RIMBP2: variants seen among roughly 807,000 people sequenced by gnomAD.
RIMBP2 encodes RIMS-binding protein 2.
In RIMBP2, 48 loss-of-function variants were observed where a neutral mutation model predicts 118.6. The ratio of observed to expected loss-of-function variants is 0.40; its 90% CI spans 0.32 to 0.51. The LOEUF (loss-of-function observed/expected upper bound fraction) is 0.51, where lower values mean the gene tolerates loss of function less well. Among genes scored for constraint, RIMBP2 ranks in the 20% least tolerant of loss-of-function variants. The pLI, the probability that RIMBP2 is intolerant of heterozygous loss-of-function variation, is 0.41. For synonymous variants in RIMBP2, 762 were observed against 742.9 expected (o/e 1.03, Z -0.42); for missense variants, 1,551 against 1,768.3 (o/e 0.88, Z 2.20).
chr12:130,574,285 G>A (rs1351067629), intron 2 of RIMBP2, among the ~76,000 whole-genome samples: 2 of 151,974 alleles, frequency 1.3e-5, no homozygotes, highest in Admixed American at 1.3e-4. Flanking sequence ...GGCGGTGGGC[G>A]GTGACATCCA....
Position 130,442,528 on chromosome 12 carries a change from C to T in RIMBP2, c.824G>A (p.Gly275Asp). Reference protein sequence around the residue: ...DQNFINHSGIGLEGEHILDLH... With the variant: ...DQNFINHSGIDLEGEHILDLH... ...GTCCAGGATGTGCTCTCCCTCCAGG[C>T]CGATGCCGGAATGGTTGATGAAGTT... The change falls in exon 11 of 23, where the codon GGC (glycine) becomes GAC (aspartate). Residue 275 changes from glycine to aspartate, a missense_variant. Gly to Asp is a moderately conservative substitution (Grantham distance 94, BLOSUM62 -1). Transcript: ENST00000690449. The surrounding 1 kb of genome is among the most constrained non-coding windows in gnomAD (Gnocchi z 6.9). 2 of 1,614,158 alleles carry T rather than the reference C, an allele frequency of 1.2e-6. No individual in the cohort carries two copies. The highest frequency in any genetic ancestry group is 1.7e-6 in the Non-Finnish European group (2 of 1,180,018).
intron 2 of RIMBP2, among the ~76,000 whole-genome samples, chr12:130,600,106 A>G (rs1288252470): frequency 6.6e-6 from 1 of 152,224 alleles, no homozygotes; most frequent in Non-Finnish European, 1.5e-5. Flanking sequence ...CATCTTACAC[A>G]TATTGATTGA....
At chr12:130,506,266 G>A (rs1054149790) in intron 4 of RIMBP2, among the ~76,000 whole-genome samples, 2 of 152,054 alleles carry the variant, frequency 1.3e-5, no homozygotes, top group African/African-American at 4.8e-5. Flanking sequence ...TTATAACAAA[G>A]GTCATTAAAC....
intron 4 of RIMBP2, among the ~76,000 whole-genome samples, chr12:130,494,343 C>T (rs60210452): frequency 0.067 from 10,223 of 152,086 alleles, 1,157 homozygotes; most frequent in African/African-American, 0.23. Flanking sequence ...TGGATGCAAA[C>T]GTGCTTTGAA....
chr12:130,444,679 C>T (rs139652928), intron 10 of RIMBP2, among the ~76,000 whole-genome samples: 1 of 152,322 alleles, frequency 6.6e-6, no homozygotes, highest in Non-Finnish European at 1.5e-5. Context: ...CCTGGGGCCA[C>T]CCCCTAAGTT....
At chr12:130,585,614 CA>C (rs60707391) in intron 2 of RIMBP2, among the ~76,000 whole-genome samples, 87,144 of 123,000 alleles carry the variant, frequency 0.71, 28,437 homozygotes, top group South Asian at 0.79. Context: ...GACCCTGTCT[CA>C]AAAAAAAAAA....
At chr12:130,474,005 C>T (rs997153386) in intron 5 of RIMBP2, among the ~76,000 whole-genome samples, 4 of 152,180 alleles carry the variant, frequency 2.6e-5, no homozygotes, top group Admixed American at 6.5e-5. Flanking sequence ...ATTATAAATA[C>T]GGAAAAGCCC....
At chr12:130,639,458 CT>C (rs2062508898) in intron 1 of RIMBP2, among the ~76,000 whole-genome samples, 1 of 127,430 alleles carries the variant, frequency 7.8e-6, no homozygotes. Context: ...GGCCAAGGCA[CT>C]CCAGACTAAT....
At chr12:130,692,519 G>A (rs2065356744) in intron 1 of RIMBP2, among the ~76,000 whole-genome samples, 1 of 150,476 alleles carries the variant, frequency 6.6e-6, no homozygotes, top group South Asian at 2.1e-4. Flanking sequence ...AGACCCTCAC[G>A]GTCTCCCTCC....
At chr12:130,471,096 G>T (rs1437529062) in intron 5 of RIMBP2, among the ~76,000 whole-genome samples, 1 of 152,182 alleles carries the variant, frequency 6.6e-6, no homozygotes, top group Non-Finnish European at 1.5e-5. Context: ...CTGCAGACTT[G>T]ACTCCCAGTC....
chr12:130,541,867 T>C (rs1370588200), intron 2 of RIMBP2, among the ~76,000 whole-genome samples: 1 of 152,260 alleles, frequency 6.6e-6, no homozygotes, highest in Non-Finnish European at 1.5e-5. Context: ...TACTAGCTCA[T>C]GGGATGCCTT....
At chr12:130,418,865 C>T (rs1485102103) in intron 17 of RIMBP2, among the ~76,000 whole-genome samples, 4 of 152,146 alleles carry the variant, frequency 2.6e-5, no homozygotes, top group East Asian at 1.9e-4. Flanking sequence ...GGCCACACCA[C>T]GGGAGGCATT....
At chr12:130,443,305 C>T (rs566833659) in intron 10 of RIMBP2, among the ~76,000 whole-genome samples, 8 of 151,678 alleles carry the variant, frequency 5.3e-5, no homozygotes, top group Admixed American at 1.3e-4. Context: ...TAGTGGGGAC[C>T]GCTGTATTTT....
rs141681822 is a variant in RIMBP2, at chr12:130,622,417, CTAGT to C, written c.-217+5901_-217+5904del. Among the ~76,000 whole-genome samples the C allele has an allele frequency of 0.015, 2,276 of 152,216 alleles. 27 individuals are homozygous for C. Among genetic ancestry groups the C allele is most frequent in the Middle Eastern group, 0.027 (8 of 294 alleles). On this transcript the variant is annotated intron_variant, in intron 2 of 22. Transcript: ENST00000690449. This position sits in a 1 kb window ranked among gnomAD's most constrained non-coding sequence, Gnocchi z 8.5. ...TAACACAAAACTGTTGGTTAATTCA[CTAGT>C]TATTTTGTACATAAATTCACTATTC...
intron 1 of RIMBP2, among the ~76,000 whole-genome samples, chr12:130,681,892 T>C (rs1387230179): frequency 2.0e-5 from 3 of 152,080 alleles, no homozygotes; most frequent in Non-Finnish European, 4.4e-5. Flanking sequence ...GTACAGGGTA[T>C]CACCATGCTG....
At chr12:130,583,534 C>G (rs2058614920) in intron 2 of RIMBP2, among the ~76,000 whole-genome samples, 1 of 151,332 alleles carries the variant, frequency 6.6e-6, no homozygotes, top group African/African-American at 2.4e-5. Flanking sequence ...ACTATCACAA[C>G]CATTACATCA....
intron 1 of RIMBP2, among the ~76,000 whole-genome samples, chr12:130,669,786 T>A (rs963751636): frequency 1.4e-4 from 21 of 152,130 alleles, no homozygotes; most frequent in Admixed American, 1.1e-3. Context: ...CCTTTCCGAG[T>A]GTGCCAGGAT....
At chr12:130,401,316 G>A (rs892308734) in intron 21 of RIMBP2, among the ~76,000 whole-genome samples, 11 of 152,048 alleles carry the variant, frequency 7.2e-5, no homozygotes, top group South Asian at 6.2e-4. Flanking sequence ...GGGTTTCGCC[G>A]TGTTGGCCAA....
At chr12:130,563,408 T>G (rs1250972577) in intron 2 of RIMBP2, among the ~76,000 whole-genome samples, 3 of 152,240 alleles carry the variant, frequency 2.0e-5, no homozygotes, top group South Asian at 2.1e-4. Context: ...AAGGATTGCC[T>G]GAAAGTCAAT....
Sources: allele counts gnomAD v4.1 joint callset (sites outside exome capture counted in the v4.1 genomes callset), GRCh38; gene constraint gnomAD v4.1.1; non-coding constraint Gnocchi (gnomAD v3.1); transcripts MANE v1.5; gene names NCBI Gene and HGNC (gene_info 2026-07-23, HGNC 2026-07-21).